Variants in AFF3 observed in about 807,000 individuals in gnomAD.
AFF3 encodes AF4/FMR2 family member 3.
In AFF3, 32 loss-of-function variants were observed where a neutral mutation model predicts 129.7. The observed-to-expected ratio is 0.25, with a 90% CI of 0.19 to 0.33. AFF3 has a LOEUF of 0.33. Among genes scored for constraint, AFF3 ranks in the 10% least tolerant of loss-of-function variants. AFF3 has a pLI of 1.00. For missense variants in AFF3, 1,373 were observed against 1,592.0 expected, an observed-to-expected ratio of 0.86 and a Z score of 2.34; for synonymous variants, 644 against 635.4, an observed-to-expected ratio of 1.01 and a Z score of -0.20.
At chr2:99,824,662 T>G (rs1281993783) in intron 8 of AFF3, among the ~76,000 whole-genome samples, 1 of 152,244 alleles carries the variant, frequency 6.6e-6, no homozygotes, top group Non-Finnish European at 1.5e-5. Flanking sequence ...ATATATCAGC[T>G]AGTGCTAGCA....
chr2:99,741,790 G>A (rs895116090), intron 10 of AFF3, among the ~76,000 whole-genome samples: 1 of 152,094 alleles, frequency 6.6e-6, no homozygotes, highest in Admixed American at 6.6e-5. Flanking sequence ...GAACAAAGCT[G>A]TAGGCATCAC....
At chr2:99,924,013 T>C (rs775817350) in intron 7 of AFF3, among the ~76,000 whole-genome samples, 3 of 152,134 alleles carry the variant, frequency 2.0e-5, no homozygotes, top group Non-Finnish European at 4.4e-5. Context: ...CTTAATGCAG[T>C]CTACTGGGAG....
intron 11 of AFF3, among the ~76,000 whole-genome samples, chr2:99,681,155 T>TA (rs1467212970): frequency 6.6e-6 from 1 of 152,184 alleles, no homozygotes; most frequent in African/African-American, 2.4e-5. Context: ...GGACCCACTA[T>TA]ATAACACAGA....
intron 8 of AFF3, among the ~76,000 whole-genome samples, chr2:99,805,075 C>T (rs1038082494): frequency 2.0e-5 from 3 of 152,090 alleles, no homozygotes; most frequent in Non-Finnish European, 2.9e-5. Flanking sequence ...ACCCTAAAAG[C>T]TATTAAAATA....
intron 18 of AFF3, among the ~76,000 whole-genome samples, chr2:99,575,552 C>T (rs935886770): frequency 1.3e-5 from 2 of 151,996 alleles, no homozygotes; most frequent in East Asian, 1.9e-4. Context: ...TGAGCCACCG[C>T]GCCTGGCCTA....
intron 4 of AFF3, among the ~76,000 whole-genome samples, chr2:100,047,501 C>A (rs991037843): frequency 6.6e-6 from 1 of 152,204 alleles, no homozygotes; most frequent in African/African-American, 2.4e-5. Context: ...TACCATCCTA[C>A]ACCACGAGGA....
In AFF3 at chr2:99,550,711, G is replaced by T. The variant is rs552262707; in HGVS notation, c.*763C>A. On this transcript the variant is annotated 3_prime_UTR_variant, in exon 25 of 25. Transcript: ENST00000672756. ...TTAGTGTCTGTTAACTTTCAAAGAC[G>T]CCGCGTTTTTGCTAAATCTCAGTGC... 1.7e-5 allele frequency: 4 copies of T among 232,902 alleles called. No homozygotes were observed. In the South Asian group the frequency reaches 7.2e-4, roughly 42 times the overall value. 14.4% of individuals were successfully genotyped at this position (232,902 alleles called of 1,614,324 possible). A position where few individuals can be genotyped will look rare whatever the true frequency, so the allele number is the denominator to read the frequency against.
At chr2:100,017,921 G>T (rs1170197470) in intron 4 of AFF3, among the ~76,000 whole-genome samples, 1 of 152,008 alleles carries the variant, frequency 6.6e-6, no homozygotes, top group Admixed American at 6.6e-5. Context: ...TTCATCCTTT[G>T]TTAGTAAATG....
At chr2:99,641,505 C>G (rs1470090159) in intron 13 of AFF3, among the ~76,000 whole-genome samples, 1 of 152,036 alleles carries the variant, frequency 6.6e-6, no homozygotes, top group Admixed American at 6.6e-5. Flanking sequence ...TGGTGAAACC[C>G]CATCTCTACT....
chr2:99,786,811 T>C (rs144848952), intron 8 of AFF3, among the ~76,000 whole-genome samples: 81 of 152,308 alleles, frequency 5.3e-4, no homozygotes, highest in South Asian at 1.2e-3. Context: ...TCCCAAACTT[T>C]AGCTGCAATG....
chr2:100,039,419 G>A (rs1287089932), intron 4 of AFF3, among the ~76,000 whole-genome samples: 1 of 152,152 alleles, frequency 6.6e-6, no homozygotes, highest in African/African-American at 2.4e-5. Flanking sequence ...CTAGCCAGGT[G>A]TGGTGGCTTG....
chr2:99,901,737 C>T (rs1211105492), intron 7 of AFF3, among the ~76,000 whole-genome samples: 1 of 152,126 alleles, frequency 6.6e-6, no homozygotes, highest in African/African-American at 2.4e-5. Flanking sequence ...TTGCAGTCAC[C>T]TCCCTGCATC....
chr2:99,898,391 C>T (rs1041393318), intron 7 of AFF3, among the ~76,000 whole-genome samples: 1 of 152,160 alleles, frequency 6.6e-6, no homozygotes, highest in Non-Finnish European at 1.5e-5. Flanking sequence ...GAGTGGGTAC[C>T]ACGATGCCAT....
At chr2:99,592,163 C>T (rs1031489666) in intron 15 of AFF3, among the ~76,000 whole-genome samples, 2 of 152,188 alleles carry the variant, frequency 1.3e-5, no homozygotes, top group Non-Finnish European at 2.9e-5. Context: ...TTCCCCTGCA[C>T]AAAAACCTTC....
chr2:99,784,431 A>G (rs959437135), intron 8 of AFF3, among the ~76,000 whole-genome samples: 5 of 152,244 alleles, frequency 3.3e-5, no homozygotes, highest in Admixed American at 6.5e-5. Flanking sequence ...TGTGCTGCAC[A>G]GCACAGAAAG....
intron 11 of AFF3, among the ~76,000 whole-genome samples, chr2:99,716,716 A>G (rs1678426409): frequency 6.6e-6 from 1 of 151,730 alleles, no homozygotes; most frequent in Admixed American, 6.6e-5. Context: ...CCCCATCTCT[A>G]CTAAAAATAC....
intron 7 of AFF3, among the ~76,000 whole-genome samples, chr2:99,867,202 C>G (rs1691485277): frequency 6.6e-6 from 1 of 151,968 alleles, no homozygotes; most frequent in African/African-American, 2.4e-5. Flanking sequence ...AAGCCCAACA[C>G]TTGAAGACAA....
intron 7 of AFF3, among the ~76,000 whole-genome samples, chr2:99,841,704 C>CT (rs761668283): frequency 8.5e-5 from 13 of 152,182 alleles, no homozygotes; most frequent in African/African-American, 1.2e-4. Context: ...AAGTCAATGA[C>CT]TTTAACAGAT....
intron 8 of AFF3, among the ~76,000 whole-genome samples, chr2:99,797,372 TAAC>T (rs1685625422): frequency 6.6e-6 from 1 of 151,926 alleles, no homozygotes; most frequent in African/African-American, 2.4e-5. Flanking sequence ...CTTGAAGACA[TAAC>T]AACAGAAACT....
Sources: allele counts gnomAD v4.1 joint callset (sites outside exome capture counted in the v4.1 genomes callset), GRCh38; gene constraint gnomAD v4.1.1; transcripts MANE v1.5; gene names NCBI Gene and HGNC (gene_info 2026-07-23, HGNC 2026-07-21).